PIGN: variants seen among roughly 807,000 people sequenced by gnomAD.
The protein encoded by PIGN is GPI ethanolamine phosphate transferase 1.
Under a neutral mutation model 125.4 loss-of-function variants are expected in PIGN, and 117 were observed. That is an observed-to-expected ratio of 0.93 (90% CI 0.80 to 1.09). PIGN has a LOEUF of 1.09. Among genes scored for constraint, PIGN ranks in the 50% least tolerant of loss-of-function variants. The probability of loss-of-function intolerance (pLI) is 0.00; values close to 1 mark genes in which losing one functional copy is unlikely to be tolerated. For missense variants in PIGN, 1,075 were observed against 1,094.9 expected, an observed-to-expected ratio of 0.98 and a Z score of 0.26; for synonymous variants, 392 against 377.8, an observed-to-expected ratio of 1.04 and a Z score of -0.44.
At chr18:62,113,815 T>C (rs1315121855) in intron 15 of PIGN, among the ~76,000 whole-genome samples, 1 of 152,200 alleles carries the variant, frequency 6.6e-6, no homozygotes, top group South Asian at 2.1e-4. Context: ...ATTTTAGAAA[T>C]GAAAACAGAA....
intron 11 of PIGN, among the ~76,000 whole-genome samples, chr18:62,142,203 A>T (rs2036164512): frequency 6.6e-6 from 1 of 152,164 alleles, no homozygotes; most frequent in South Asian, 2.1e-4. Flanking sequence ...ACCACTAAAT[A>T]CTTAGACTTA....
chr18:62,071,799 T>C (rs1191373566), intron 30 of PIGN, among the ~76,000 whole-genome samples: 2 of 148,616 alleles, frequency 1.3e-5, no homozygotes, highest in African/African-American at 2.5e-5. Context: ...AATAAACAAC[T>C]GTTACCAGTA....
chr18:62,041,055 GA>G (rs1434467559), downstream of PIGN: 3 of 152,074 alleles, frequency 2.0e-5, no homozygotes, highest in Non-Finnish European at 2.9e-5. Context: ...CCAATTAAAG[GA>G]AATTTTGATA....
At chr18:62,039,713 A>T (rs1462062964), downstream of PIGN, among the ~76,000 whole-genome samples, 18 of 74,942 alleles carry the variant, frequency 2.4e-4, no homozygotes, top group South Asian at 4.5e-4. Context: ...TTAGGGCCCC[A>T]TCCAGGGTGC....
intron 17 of PIGN, 93 bp from the exon 18 acceptor site, chr18:62,107,178 T>C (rs2034680381): frequency 3.9e-6 from 3 of 774,164 alleles, no homozygotes; most frequent in African/African-American, 1.7e-5. Flanking sequence ...CACTACATAA[T>C]TTTCCATTTA....
intron 7 of PIGN, among the ~76,000 whole-genome samples, chr18:62,153,046 A>G (rs1020306890): frequency 8.7e-5 from 13 of 148,968 alleles, no homozygotes; most frequent in African/African-American, 3.4e-4. Context: ...CTCCTGCCAC[A>G]CTAACCTCCC....
At chr18:62,143,477 A>G (rs1237557996) in intron 10 of PIGN, 131 bp from the exon 11 acceptor site, 1 of 562,756 alleles carries the variant, frequency 1.8e-6, no homozygotes, top group African/African-American at 2.0e-5. Flanking sequence ...CCAAGTATGA[A>G]TAAAAATCAT....
intron 3 of PIGN, among the ~76,000 whole-genome samples, chr18:62,161,843 T>G (rs948673192): frequency 2.0e-5 from 3 of 152,158 alleles, no homozygotes; most frequent in Non-Finnish European, 2.9e-5. Flanking sequence ...TCAGTTATAA[T>G]TATTTAGATG....
At chr18:62,039,459 G>C (rs1395298676), downstream of PIGN, among the ~76,000 whole-genome samples, 1 of 151,166 alleles carries the variant, frequency 6.6e-6, no homozygotes, top group Non-Finnish European at 1.5e-5. Flanking sequence ...CCCCATCCAG[G>C]ATGCCGCACC....
At chr18:62,067,434 A>G (rs2032586433) in intron 30 of PIGN, among the ~76,000 whole-genome samples, 2 of 152,244 alleles carry the variant, frequency 1.3e-5, no homozygotes, top group Admixed American at 1.3e-4. Context: ...TTCAATATAT[A>G]GAACATTTCT....
intron 14 of PIGN, among the ~76,000 whole-genome samples, chr18:62,119,507 C>T (rs1230394904): frequency 6.6e-6 from 1 of 152,150 alleles, no homozygotes; most frequent in East Asian, 1.9e-4. Flanking sequence ...CTAGACACAA[C>T]AGAAGATAAA....
chr18:62,150,919 C>T (rs1035331832), intron 7 of PIGN, among the ~76,000 whole-genome samples: 2 of 152,120 alleles, frequency 1.3e-5, no homozygotes, highest in African/African-American at 4.8e-5. Context: ...CCAGGATGGT[C>T]TCAATCTCTT....
rs138155733 is a variant in PIGN, at chr18:62,178,607, A to G, written c.-236+8237T>C. Among the ~76,000 whole-genome samples the G allele has an allele frequency of 6.6e-4, 100 of 152,024 alleles. 2 individuals carry two copies. The East Asian group carries it at 0.019, about 28-fold the overall frequency. On this transcript the variant is annotated intron_variant, in intron 1 of 30. Transcript: ENST00000640252. ...AACATAGCAAGACCCACTTAAAAAA[A>G]AAAAAAGAAGAAGAGGAAAGAAAAA... is the stretch of plus-strand genomic sequence containing the variant.
In PIGN at chr18:62,050,131, C is replaced by T. The variant is rs1449458622; in HGVS notation, c.2673-4152G>A. Among the ~76,000 whole-genome samples, 1,512 of 151,790 alleles carry T rather than the reference C, an allele frequency of 1.0e-2. 36 individuals carry two copies. Among genetic ancestry groups the T allele is most frequent in the East Asian group, 0.064 (328 of 5,112 alleles). On this transcript the variant is annotated intron_variant, in intron 30 of 30. Transcript: ENST00000640252. ...TGTAGTATAGTTTGAAGTCAGGTAGCGTGATGCCTCCAGCTTTGTTCTTTT... is the reference window on the plus strand; with the variant it reads ...TGTAGTATAGTTTGAAGTCAGGTAGTGTGATGCCTCCAGCTTTGTTCTTTT...
intron 30 of PIGN, chr18:62,052,946 G>T: frequency 2.6e-6 from 1 of 387,636 alleles, no homozygotes; most frequent in South Asian, 1.4e-4. Flanking sequence ...TTATTTCTCT[G>T]AAGGAAGTTT....
At chr18:62,053,844 T>C (rs1427037159) in intron 30 of PIGN, among the ~76,000 whole-genome samples, 1 of 152,172 alleles carries the variant, frequency 6.6e-6, no homozygotes, top group Non-Finnish European at 1.5e-5. Flanking sequence ...GATCATATTC[T>C]GGGCCATAAA....
Position 62,139,021 on chromosome 18 carries a change from T to C in PIGN, c.1078A>G (p.Met360Val), listed in dbSNP as rs368913660. The change falls in exon 13 of 31, where the codon ATG (methionine) becomes GTG (valine). Residue 360 changes from methionine (M) to valine (V), a missense_variant. By Grantham distance (21) the Met-to-Val change is conservative. This residue lies in a region of PIGN where 915 missense variants were observed against 908.7 expected (regional missense o/e 1.01). Transcript: ENST00000640252. ...AGAATCTGTACTGCATTTGTAAACATGCTCTCTGCTTTGAAGAGATCAGTG... is the reference window on the plus strand; with the variant it reads ...AGAATCTGTACTGCATTTGTAAACACGCTCTCTGCTTTGAAGAGATCAGTG... ...NNTDLFKAES[M>V]FTNAVQILEQ... 6.2e-7 allele frequency: 1 copy of C among 1,610,128 alleles called. No individual in the cohort carries two copies. Among genetic ancestry groups the C allele is most frequent in the South Asian group, 1.1e-5 (1 of 90,428 alleles).
At chr18:62,130,090 A>G (rs2035677250) in intron 14 of PIGN, among the ~76,000 whole-genome samples, 1 of 152,150 alleles carries the variant, frequency 6.6e-6, no homozygotes, top group African/African-American at 2.4e-5. Context: ...AGCCCCCAGA[A>G]GCTAGGTAGA....
Position 62,045,776 on chromosome 18 carries a change from ATCT to A in PIGN, c.*77_*79del. On this transcript the variant is annotated 3_prime_UTR_variant, in exon 31 of 31. Transcript: ENST00000640252. Reference sequence around the variant, plus strand: ...TAGAATATACTATATATCCATATCCATCTTCTTATTGAAGCCTTGATGAGATTT... The same window carrying A: ...TAGAATATACTATATATCCATATCCATCTTATTGAAGCCTTGATGAGATTT... 2 of 1,403,078 alleles carry A rather than the reference ATCT, an allele frequency of 1.4e-6. No individual in the cohort carries two copies. The highest frequency in any genetic ancestry group is 2.0e-6 in the Non-Finnish European group (2 of 1,002,352). 86.9% of individuals were successfully genotyped at this position (1,403,078 alleles called of 1,614,324 possible).
Sources: allele counts gnomAD v4.1 joint callset (sites outside exome capture counted in the v4.1 genomes callset), GRCh38; gene constraint gnomAD v4.1.1; regional missense constraint gnomAD v4.1.1; transcripts MANE v1.5; gene names NCBI Gene and HGNC (gene_info 2026-07-23, HGNC 2026-07-21).